The following DNM3 variants were observed in gnomAD, a reference collection of about 807,000 sequenced individuals.
DNM3 encodes dynamin-3.
DNM3 carries 47 observed loss-of-function variants against 101.6 expected under a neutral mutation model. The ratio of observed to expected loss-of-function variants is 0.46; its 90% CI spans 0.37 to 0.59. DNM3 has a LOEUF of 0.59. Ranked by LOEUF, DNM3 falls within the 20% of genes least tolerant of loss-of-function variation. The pLI is 0.00. For synonymous variants in DNM3, 385 were observed against 387.9 expected (o/e 0.99, Z 0.09); for missense variants, 849 against 1,085.7 (o/e 0.78, Z 3.06).
At chr1:171,981,718 C>T (rs2044810382) in intron 2 of DNM3, among the ~76,000 whole-genome samples, 1 of 152,020 alleles carries the variant, frequency 6.6e-6, no homozygotes, top group African/African-American at 2.4e-5. Flanking sequence ...GTATCTTAAC[C>T]TTTGCTTCAA....
chr1:172,286,550 A>C (rs1318432247), intron 15 of DNM3, among the ~76,000 whole-genome samples: 1 of 152,222 alleles, frequency 6.6e-6, no homozygotes, highest in African/African-American at 2.4e-5. Context: ...AATGAAGCTA[A>C]TACGTTGTAC....
At chr1:172,113,370 A>C (rs2055631154) in intron 13 of DNM3, among the ~76,000 whole-genome samples, 1 of 151,958 alleles carries the variant, frequency 6.6e-6, no homozygotes. Context: ...ACTTTTTTAC[A>C]ATTGAGGAAC....
At chr1:172,189,207 C>T (rs781450391) in intron 14 of DNM3, among the ~76,000 whole-genome samples, 30 of 151,882 alleles carry the variant, frequency 2.0e-4, no homozygotes, top group Non-Finnish European at 3.4e-4. Context: ...TATGTTGTTC[C>T]GTTGATCTGT....
rs116796175 is a variant in DNM3 at position 171,889,951 on chromosome 1, C to G, written c.162-31797C>G. On this transcript the variant is annotated intron_variant, in intron 1 of 20. Coordinates refer to ENST00000627582, the MANE Select transcript of DNM3 (RefSeq NM_015569.5). ...GACATCTAGGTGTGTTGTAGCTGTCCTGATTTGAGTTTAAGCTTCATTTTG... is the reference window on the plus strand; with the variant it reads ...GACATCTAGGTGTGTTGTAGCTGTCGTGATTTGAGTTTAAGCTTCATTTTG... Among the ~76,000 whole-genome samples the G allele has an allele frequency of 5.0e-3, 759 of 152,038 alleles. 10 individuals are homozygous for G. The highest frequency in any genetic ancestry group is 0.018 in the African/African-American group (729 of 41,488).
At chr1:172,092,130 G>T (rs926402455) in intron 12 of DNM3, among the ~76,000 whole-genome samples, 25 of 152,088 alleles carry the variant, frequency 1.6e-4, no homozygotes, top group Admixed American at 1.4e-3. Context: ...GAAATATTAA[G>T]AATGATATGC....
intron 15 of DNM3, among the ~76,000 whole-genome samples, chr1:172,259,818 T>C (rs2062567628): frequency 6.6e-6 from 1 of 152,082 alleles, no homozygotes; most frequent in African/African-American, 2.4e-5. Flanking sequence ...CCTTTTTTCC[T>C]TTCTTTTTCT....
intron 8 of DNM3, 131 bp from the exon 9 acceptor site, chr1:172,044,254 G>A: frequency 2.7e-6 from 2 of 734,094 alleles, no homozygotes; most frequent in Non-Finnish European, 4.4e-6. Flanking sequence ...TTGACCATCT[G>A]GGTTTAGGTT....
intron 16 of DNM3, 37 bp downstream of exon 16, chr1:172,308,876 T>C: frequency 8.1e-7 from 1 of 1,239,268 alleles, no homozygotes; most frequent in Middle Eastern, 2.3e-4. Flanking sequence ...AAATTATTAT[T>C]AGCTATGCTT....
intron 13 of DNM3, among the ~76,000 whole-genome samples, chr1:172,121,245 A>C (rs1284216254): frequency 6.6e-6 from 1 of 152,210 alleles, no homozygotes; most frequent in Admixed American, 6.5e-5. Flanking sequence ...GATTTTCATC[A>C]TGGTTAATGG....
At chr1:172,339,416 C>T (rs555154806) in intron 17 of DNM3, among the ~76,000 whole-genome samples, 1 of 152,216 alleles carries the variant, frequency 6.6e-6, no homozygotes, top group Non-Finnish European at 1.5e-5. Flanking sequence ...TTTGCCCTTG[C>T]CCTGGCCTCA....
At chr1:172,272,129 A>C (rs144461272) in intron 15 of DNM3, among the ~76,000 whole-genome samples, 2,005 of 152,218 alleles carry the variant, frequency 0.013, 63 homozygotes, top group African/African-American at 0.046. Flanking sequence ...CATGAAAAAC[A>C]GCATCTGCTT....
chr1:172,329,356 C>T (rs2066085288), intron 17 of DNM3, among the ~76,000 whole-genome samples: 1 of 152,006 alleles, frequency 6.6e-6, no homozygotes, highest in Non-Finnish European at 1.5e-5. Context: ...TGAAAAAATA[C>T]ATTCCAAAAT....
chr1:172,210,691 G>A (rs2060484540), intron 14 of DNM3, among the ~76,000 whole-genome samples: 2 of 152,098 alleles, frequency 1.3e-5, no homozygotes, highest in African/African-American at 2.4e-5. Flanking sequence ...TTATTTGTAA[G>A]ATGAATTCAA....
intron 17 of DNM3, among the ~76,000 whole-genome samples, chr1:172,355,147 T>C (rs747136689): frequency 6.6e-6 from 1 of 152,058 alleles, no homozygotes; most frequent in Non-Finnish European, 1.5e-5. Flanking sequence ...TGGGAGCCTG[T>C]AGAAACATAA....
intron 15 of DNM3, among the ~76,000 whole-genome samples, chr1:172,277,444 A>C (rs922379236): frequency 2.0e-5 from 3 of 152,052 alleles, no homozygotes; most frequent in African/African-American, 7.2e-5. Context: ...AACTGTAGTC[A>C]TAGATTCTTG....
chr1:171,974,866 CTG>C (rs796661479), intron 2 of DNM3, among the ~76,000 whole-genome samples: 39 of 149,560 alleles, frequency 2.6e-4, no homozygotes, highest in African/African-American at 9.2e-4. Flanking sequence ...TCTTCTTCTA[CTG>C]TTTTTTTTTT....
chr1:172,069,357 A>G (rs2051974192), intron 11 of DNM3, among the ~76,000 whole-genome samples: 1 of 152,160 alleles, frequency 6.6e-6, no homozygotes, highest in South Asian at 2.1e-4. Flanking sequence ...TTTTCTGAGG[A>G]GAGAGTGGAC....
chr1:172,364,708 T>C (rs930356482), intron 17 of DNM3, among the ~76,000 whole-genome samples: 2 of 152,022 alleles, frequency 1.3e-5, no homozygotes, highest in African/African-American at 4.8e-5. Context: ...TGGTGGGTAG[T>C]GACTGGATCA....
intron 10 of DNM3, among the ~76,000 whole-genome samples, chr1:172,066,131 A>T (rs2051641393): frequency 6.6e-6 from 1 of 152,152 alleles, no homozygotes; most frequent in Non-Finnish European, 1.5e-5. Flanking sequence ...ATATTACTCA[A>T]GAATGTTGGT....
Sources: gnomAD v4.1 joint callset for allele counts (sites outside exome capture counted in the v4.1 genomes callset) on GRCh38, gnomAD v4.1.1 for gene constraint, MANE v1.5 for transcripts, NCBI Gene and HGNC (gene_info 2026-07-23, HGNC 2026-07-21) for gene names.